Variants in NCAPD3 observed in about 807,000 individuals in gnomAD.
NCAPD3 encodes the protein non-SMC condensin II complex subunit D3.
In NCAPD3, 105 loss-of-function variants were observed where a neutral mutation model predicts 182.9. The observed-to-expected ratio is 0.57, with a 90% CI of 0.49 to 0.68. NCAPD3 has a LOEUF of 0.68. Among genes scored for constraint, NCAPD3 ranks in the 30% least tolerant of loss-of-function variants. The pLI is 0.00. For missense variants in NCAPD3, 1,944 were observed against 1,837.0 expected, an observed-to-expected ratio of 1.06 and a Z score of -1.07; for synonymous variants, 815 against 679.9, an observed-to-expected ratio of 1.20 and a Z score of -3.09.
chr11:134,200,805 C>T (rs1383200049), intron 13 of NCAPD3, among the ~76,000 whole-genome samples: 1 of 152,020 alleles, frequency 6.6e-6, no homozygotes, highest in Non-Finnish European at 1.5e-5. Flanking sequence ...GTCACAATAG[C>T]CAAAAAGTGA....
Position 134,153,184 on chromosome 11 carries a change from C to G in NCAPD3, c.4344G>C (p.Arg1448=), listed in dbSNP as rs1419107578. The G allele has an allele frequency of 9.9e-6, 16 of 1,614,068 alleles. No homozygotes were observed. The highest frequency in any genetic ancestry group is 1.4e-5 in the Non-Finnish European group (16 of 1,180,040). The part of the protein sequence containing the change: ...PSSAKEKIEG[R]SQGNDILCLS... The stretch of plus-strand genomic sequence containing the variant: ...AACATAAGATGTCATTTCCTTGACT[C>G]CGGCCTTCAATTTTCTCTAAAAGGG... The change falls in exon 34 of 35, where the codon CGG becomes CGC. Residue 1448 remains arginine (R), a synonymous_variant. Transcript: ENST00000534548.
At chr11:134,169,877 A>C (rs767705855) in intron 24 of NCAPD3, among the ~76,000 whole-genome samples, 1 of 152,222 alleles carries the variant, frequency 6.6e-6, no homozygotes, top group African/African-American at 2.4e-5. Context: ...CACTGTCAAG[A>C]CCAGTGTTTT....
chr11:134,184,521 G>A, intron 19 of NCAPD3, 116 bp downstream of exon 19: 3 of 678,006 alleles, frequency 4.4e-6, no homozygotes, highest in South Asian at 4.2e-5. Flanking sequence ...TAGCTGCGGG[G>A]GACATCCTTA....
At chr11:134,176,779 T>C (rs909689844) in intron 23 of NCAPD3, among the ~76,000 whole-genome samples, 3 of 152,348 alleles carry the variant, frequency 2.0e-5, no homozygotes, top group South Asian at 2.1e-4. Flanking sequence ...CAGAGCTCTA[T>C]AGTTCACTAG....
In NCAPD3 at chr11:134,168,540, T is replaced by A; in HGVS notation, c.3302A>T (p.Lys1101Ile). 6.2e-7 allele frequency: 1 copy of A among 1,614,176 alleles called. No individual in the cohort carries two copies. The highest frequency in any genetic ancestry group is 8.5e-7 in the Non-Finnish European group (1 of 1,180,018). Reference protein sequence around the residue: ...SNKERRMKIYKFLLEHFTDEQ... With the variant: ...SNKERRMKIYIFLLEHFTDEQ... ...ATCTGTGAAGTGCTCTAGAAGAAATTTGTAGATTTTCATTCGTCTCTCTTT... is the reference window on the plus strand; with the variant it reads ...ATCTGTGAAGTGCTCTAGAAGAAATATGTAGATTTTCATTCGTCTCTCTTT... Residue 1101 changes from lysine (K) to isoleucine (I), a missense_variant, in exon 26 of 35, where the codon AAA becomes ATA. Transcript: ENST00000534548.
At position 134,161,837 on chromosome 11, in the gene NCAPD3, T is replaced by C; in HGVS notation, c.3628A>G (p.Thr1210Ala). The C allele has an allele frequency of 1.9e-6, 3 of 1,593,300 alleles. No individual in the cohort carries two copies. The highest frequency in any genetic ancestry group is 2.6e-6 in the Non-Finnish European group (3 of 1,165,312). The change falls in exon 28 of 35, where the codon ACT (threonine) becomes GCT (alanine). Residue 1210 changes from threonine (T) to alanine (A), a missense_variant. By Grantham distance (58) the Thr-to-Ala change is moderately conservative. This residue lies in a region of NCAPD3 where 1,803 missense variants were observed against 1,674.6 expected (regional missense o/e 1.08). Coordinates refer to ENST00000534548, the MANE Select transcript of NCAPD3 (RefSeq NM_015261.3). ...NIIPIIISLK[T>A]VLEKNKIPAL... is the part of the protein sequence containing the mutation. ...GGGATCTTATTTTTCTCCAGCACAG[T>C]CTTCAGGGAGATGATAATTGGAATA...
chr11:134,186,119 CTT>C (rs1383906188), intron 16 of NCAPD3: 6 of 152,134 alleles, frequency 3.9e-5, no homozygotes, highest in South Asian at 2.1e-4. Context: ...TATGCAATAA[CTT>C]AATACCACTC....
At chr11:134,161,161 G>T (rs1943567207) in intron 28 of NCAPD3, among the ~76,000 whole-genome samples, 1 of 152,048 alleles carries the variant, frequency 6.6e-6, no homozygotes, top group Non-Finnish European at 1.5e-5. Flanking sequence ...CACATAATGT[G>T]AACAGAGCTA....
intron 28 of NCAPD3, 130 bp downstream of exon 28, chr11:134,161,651 G>C (rs145375478): frequency 3.0e-6 from 2 of 671,854 alleles, no homozygotes; most frequent in Admixed American, 5.9e-5. Context: ...CAGTTACCAA[G>C]GTAATGTTGG....
upstream of NCAPD3, chr11:134,224,072 A>G: frequency 1.0e-6 from 1 of 977,492 alleles, no homozygotes; most frequent in Non-Finnish European, 1.5e-6. Flanking sequence ...CATTCGCTCA[A>G]CCAATCACCG....
chr11:134,160,385 C>T (rs1943544830), intron 28 of NCAPD3, among the ~76,000 whole-genome samples: 1 of 152,102 alleles, frequency 6.6e-6, no homozygotes. Context: ...TAACAGTTCT[C>T]TCTCTTAGGA....
At chr11:134,223,343 G>C (rs956314773) in intron 1 of NCAPD3, 1 of 689,474 alleles carries the variant, frequency 1.5e-6, no homozygotes, top group Admixed American at 2.0e-5. Context: ...CAGGACAGTG[G>C]TAGTGGGCAT....
At chr11:134,175,608 C>T (rs1408176565) in intron 24 of NCAPD3, among the ~76,000 whole-genome samples, 3 of 152,192 alleles carry the variant, frequency 2.0e-5, no homozygotes, top group Admixed American at 2.0e-4. Context: ...AAGACCTCTT[C>T]CCCACTGTGG....
Position 134,167,257 on chromosome 11 carries a change from G to A in NCAPD3, c.3573+739C>T, listed in dbSNP as rs190430600. ...GGGGAGGCGCACACTCGTGAGATGA[G>A]CTTAGGGGAGCAGCACACTCACTTG... On this transcript the variant is annotated intron_variant, in intron 27 of 34. Coordinates refer to ENST00000534548, the MANE Select transcript of NCAPD3 (RefSeq NM_015261.3). Among the ~76,000 whole-genome samples, 425 of 138,920 alleles carry A rather than the reference G, an allele frequency of 3.1e-3. 4 individuals are homozygous for A. The highest frequency in any genetic ancestry group is 0.011 in the African/African-American group (393 of 35,846). The allele number at this position is 138,920 out of a possible 152,430, so 91.1% of individuals were successfully genotyped here.
chr11:134,210,465 G>A lies in NCAPD3; in HGVS notation c.383-11C>T. 1 of 1,606,992 alleles carries A rather than the reference G, an allele frequency of 6.2e-7. No homozygotes were observed. Among genetic ancestry groups the A allele is most frequent in the Non-Finnish European group, 8.5e-7 (1 of 1,175,406 alleles). On this transcript the variant is annotated splice_polypyrimidine_tract_variant and intron_variant, in intron 3 of 34. Transcript: ENST00000534548. ...GATTGGCTACACTGCCTATTCATGA[G>A]GAATAAAGAGTAAGCAAGTTAGATT...
At chr11:134,154,571 G>GCCCCTCCCGGGTGGTGCAGCCTCA (rs1565513678) in intron 32 of NCAPD3, among the ~76,000 whole-genome samples, 16 of 36,666 alleles carry the variant, frequency 4.4e-4, no homozygotes, top group Non-Finnish European at 7.9e-4. Context: ...GTGCAGCCTC[G>GCCCCTCCCGGGTGGTGCAGCCTCA]CCCCTCCTGG....
chr11:134,169,171 A>C (rs147269193), intron 24 of NCAPD3, 117 bp from the exon 25 acceptor site: 1 of 1,012,710 alleles, frequency 9.9e-7, no homozygotes, highest in South Asian at 2.5e-5. Flanking sequence ...GGGATTCAAA[A>C]TCTATCCCAA....
chr11:134,184,523 A>C (rs1409484362), intron 19 of NCAPD3, 114 bp downstream of exon 19: 1 of 679,126 alleles, frequency 1.5e-6, no homozygotes, highest in East Asian at 2.8e-5. Flanking sequence ...GCTGCGGGGG[A>C]CATCCTTACA....
intron 16 of NCAPD3, among the ~76,000 whole-genome samples, chr11:134,188,282 A>C (rs908423814): frequency 6.6e-6 from 1 of 152,202 alleles, no homozygotes; most frequent in African/African-American, 2.4e-5. Flanking sequence ...ACTCTGTAAA[A>C]ACGTACCAAT....
Sources: allele counts gnomAD v4.1 joint callset (sites outside exome capture counted in the v4.1 genomes callset), GRCh38; gene constraint gnomAD v4.1.1; regional missense constraint gnomAD v4.1.1; transcripts MANE v1.5; gene names NCBI Gene and HGNC (gene_info 2026-07-23, HGNC 2026-07-21).